FOXN3: variants seen among roughly 807,000 people sequenced by gnomAD.
FOXN3 encodes the protein forkhead box N3, also known as forkhead box protein N3.
Under a neutral mutation model 38.4 loss-of-function variants are expected in FOXN3, and 7 were observed. The observed-to-expected ratio is 0.18, with a 90% CI of 0.10 to 0.34. FOXN3 has a LOEUF of 0.34. Ranked by LOEUF, FOXN3 falls within the 10% of genes least tolerant of loss-of-function variation. The pLI, the probability that FOXN3 is intolerant of heterozygous loss-of-function variation, is 1.00. For synonymous variants in FOXN3, 230 were observed against 242.2 expected, an observed-to-expected ratio of 0.95 and a Z score of 0.47; for missense variants, 456 against 613.4, an observed-to-expected ratio of 0.74 and a Z score of 2.71.
intron 1 of FOXN3, among the ~76,000 whole-genome samples, chr14:89,611,570 G>C (rs1896388779): frequency 6.6e-6 from 1 of 152,214 alleles, no homozygotes; most frequent in Non-Finnish European, 1.5e-5. Context: ...ACTTTGGGAG[G>C]CCAAGGCGGG....
intron 4 of FOXN3, among the ~76,000 whole-genome samples, chr14:89,267,819 T>C (rs1424639328): frequency 1.3e-5 from 2 of 151,796 alleles, no homozygotes; most frequent in Non-Finnish European, 2.9e-5. Context: ...GTGTTGGCGG[T>C]GGGGGCCGTG....
At chr14:89,445,377 GC>G (rs1372295465) in intron 1 of FOXN3, among the ~76,000 whole-genome samples, 1 of 152,196 alleles carries the variant, frequency 6.6e-6, no homozygotes, top group African/African-American at 2.4e-5. Context: ...CATTTTGTTT[GC>G]CTGGGGTGCA....
At chr14:89,415,620 AAAAAAAAAAAAC>A (rs1484936029) in intron 1 of FOXN3, among the ~76,000 whole-genome samples, 1 of 150,408 alleles carries the variant, frequency 6.6e-6, no homozygotes, top group East Asian at 1.9e-4. Context: ...AAAAAAAAAA[AAAAAAAAAAAAC>A]AGTTCCCAGA....
chr14:89,183,141 C>A (rs1887715971), intron 4 of FOXN3, among the ~76,000 whole-genome samples: 1 of 152,072 alleles, frequency 6.6e-6, no homozygotes, highest in Non-Finnish European at 1.5e-5. Flanking sequence ...TTTTTGTTTG[C>A]CTGTTTTGGG....
intron 2 of FOXN3, among the ~76,000 whole-genome samples, chr14:89,392,690 G>A (rs1890985641): frequency 1.3e-5 from 2 of 149,402 alleles, no homozygotes; most frequent in African/African-American, 2.5e-5. Flanking sequence ...ACCCGGGCTG[G>A]AGTACAGAGG....
At chr14:89,306,099 CT>C (rs1887361345) in intron 3 of FOXN3, among the ~76,000 whole-genome samples, 1 of 152,162 alleles carries the variant, frequency 6.6e-6, no homozygotes, top group African/African-American at 2.4e-5. Context: ...AAGTTTCTGC[CT>C]TTGTCTGCAT....
intron 5 of FOXN3, among the ~76,000 whole-genome samples, chr14:89,175,299 C>T (rs1887493102): frequency 6.6e-6 from 1 of 152,178 alleles, no homozygotes; most frequent in African/African-American, 2.4e-5. Flanking sequence ...AATTTGGCAA[C>T]AAATAGGGTG....
intron 4 of FOXN3, among the ~76,000 whole-genome samples, chr14:89,188,638 T>TG (rs1324669145): frequency 3.3e-5 from 5 of 152,190 alleles, no homozygotes; most frequent in Admixed American, 1.3e-4. Context: ...AGCAACCAGC[T>TG]GGAAGTATTT....
intron 1 of FOXN3, among the ~76,000 whole-genome samples, chr14:89,590,942 G>T (rs1895937223): frequency 1.3e-5 from 2 of 148,564 alleles, no homozygotes; most frequent in Admixed American, 1.3e-4. Flanking sequence ...GCCTTGCTGG[G>T]GTCATTCTCT....
intron 1 of FOXN3, among the ~76,000 whole-genome samples, chr14:89,606,727 G>C (rs751523253): frequency 6.6e-6 from 1 of 152,172 alleles, no homozygotes; most frequent in African/African-American, 2.4e-5. Context: ...GCGCACGCCT[G>C]TAATCCCAGC....
At chr14:89,199,507 G>A (rs1220711467) in intron 4 of FOXN3, among the ~76,000 whole-genome samples, 1 of 152,146 alleles carries the variant, frequency 6.6e-6, no homozygotes, top group Non-Finnish European at 1.5e-5. Flanking sequence ...CAATGATTAA[G>A]CAAACTGAAA....
At chr14:89,543,875 G>GT (rs1272096428) in intron 1 of FOXN3, among the ~76,000 whole-genome samples, 6 of 151,834 alleles carry the variant, frequency 4.0e-5, no homozygotes, top group Admixed American at 3.3e-4. Context: ...AACCGATTTG[G>GT]TTTTAAGACC....
chr14:89,495,083 G>A (rs937469396), intron 1 of FOXN3, among the ~76,000 whole-genome samples: 15 of 152,206 alleles, frequency 9.9e-5, no homozygotes, highest in Non-Finnish European at 2.1e-4. Context: ...TTAAATATTG[G>A]GGTAATATTC....
At chr14:89,317,032 A>G (rs899373999) in intron 3 of FOXN3, among the ~76,000 whole-genome samples, 3 of 152,194 alleles carry the variant, frequency 2.0e-5, no homozygotes, top group Non-Finnish European at 4.4e-5. Context: ...AACTCATATA[A>G]CATTCTATGC....
intron 3 of FOXN3, among the ~76,000 whole-genome samples, chr14:89,341,522 G>C (rs906026028): frequency 6.6e-6 from 1 of 152,060 alleles, no homozygotes; most frequent in African/African-American, 2.4e-5. Flanking sequence ...TAATTATACT[G>C]CACCTCTACT....
rs187495480 is a variant in FOXN3, at chr14:89,606,770, C to T, written c.-15+12258G>A. ...GAGGCTGAGGCAGGGGAAGCTTGAA[C>T]CTGGGAGGCAGAGGTTGCAGTGAGC... On this transcript the variant is annotated intron_variant, in intron 1 of 6. Coordinates refer to the FOXN3 transcript ENST00000345097. Among the ~76,000 whole-genome samples the T allele has an allele frequency of 2.6e-4, 39 of 152,214 alleles. No individual in the cohort carries two copies. In the South Asian group the frequency reaches 6.4e-3, roughly 25 times the overall value.
intron 1 of FOXN3, among the ~76,000 whole-genome samples, chr14:89,431,502 C>T (rs371997408): frequency 6.6e-5 from 10 of 152,114 alleles, no homozygotes; most frequent in Non-Finnish European, 1.2e-4. Context: ...TGGGCCACTG[C>T]GCCTGGCCAG....
chr14:89,513,191 G>C (rs1178240023), intron 1 of FOXN3, among the ~76,000 whole-genome samples: 1 of 149,358 alleles, frequency 6.7e-6, no homozygotes, highest in Non-Finnish European at 1.5e-5. Flanking sequence ...AAAGAAACTA[G>C]GTAGTCACAG....
chr14:89,235,950 T>C (rs975868668), intron 4 of FOXN3, among the ~76,000 whole-genome samples: 2 of 148,926 alleles, frequency 1.3e-5, no homozygotes, highest in Admixed American at 6.6e-5. Context: ...TGATTTGTTA[T>C]AGCAGCAGAT....
Sources: allele counts gnomAD v4.1 joint callset (sites outside exome capture counted in the v4.1 genomes callset), GRCh38; gene constraint gnomAD v4.1.1; transcripts MANE v1.5; gene names NCBI Gene and HGNC (gene_info 2026-07-23, HGNC 2026-07-21).